Variants in PCDH11X observed in about 807,000 individuals in gnomAD.
PCDH11X encodes protocadherin-11 X-linked.
In PCDH11X, 18 loss-of-function variants were observed where a neutral mutation model predicts 53.3. That is an observed-to-expected ratio of 0.34 (90% confidence interval 0.23 to 0.50). The LOEUF is 0.50. Among genes scored for constraint, PCDH11X ranks in the 20% least tolerant of loss-of-function variants. The probability of loss-of-function intolerance (pLI) is 0.98; values close to 1 mark genes in which losing one functional copy is unlikely to be tolerated. For synonymous variants in PCDH11X, 279 were observed against 393.3 expected (o/e 0.71, Z 3.44); for missense variants, 570 against 1,032.4 (o/e 0.55, Z 6.14).
chrX:92,520,173 C>T (rs2074344765), intron 10 of PCDH11X, among the ~76,000 whole-genome samples: 1 of 109,476 alleles, frequency 9.1e-6, no homozygotes, highest in African/African-American at 3.3e-5. Flanking sequence ...ATTGTGGGCT[C>T]AGTTCCAGAC....
chrX:91,895,777 A>G (rs1421391948), intron 6 of PCDH11X, among the ~76,000 whole-genome samples: 4 of 107,545 alleles, frequency 3.7e-5, no homozygotes, highest in Admixed American at 1.0e-4. Context: ...ATTTATGTGT[A>G]TCATATATTC....
chrX:92,554,952 C>A (rs922993824), intron 10 of PCDH11X, among the ~76,000 whole-genome samples: 2 of 111,567 alleles, frequency 1.8e-5, no homozygotes, highest in African/African-American at 6.5e-5. Flanking sequence ...TCCAAAGCCT[C>A]TCAATTCTCA....
intron 6 of PCDH11X, among the ~76,000 whole-genome samples, chrX:92,080,516 G>C (rs2063840223): frequency 9.0e-6 from 1 of 111,236 alleles, no homozygotes; most frequent in Non-Finnish European, 1.9e-5. Context: ...GGTAAAAAAG[G>C]CTGGAAATGA....
chrX:92,042,511 A>G (rs1236989030), intron 6 of PCDH11X, among the ~76,000 whole-genome samples: 1 of 106,023 alleles, frequency 9.4e-6, no homozygotes, highest in Non-Finnish European at 1.9e-5. Flanking sequence ...GTGATTTTAG[A>G]GTAACATACA....
At chrX:92,247,624 A>G (rs756316745) in intron 7 of PCDH11X, among the ~76,000 whole-genome samples, 56 of 111,871 alleles carry the variant, frequency 5.0e-4, no homozygotes, top group African/African-American at 1.8e-3. Flanking sequence ...TTCTGGTTGC[A>G]CTGGCTGTCC....
At chrX:92,155,606 T>G (rs1603069822) in intron 6 of PCDH11X, among the ~76,000 whole-genome samples, 1 of 100,982 alleles carries the variant, frequency 9.9e-6, no homozygotes, top group East Asian at 3.1e-4. Flanking sequence ...TCACCTCAGT[T>G]ACTTCAATAG....
At chrX:91,824,520 C>T (rs1276747466) in intron 4 of PCDH11X, among the ~76,000 whole-genome samples, 14 of 110,496 alleles carry the variant, frequency 1.3e-4, no homozygotes, top group Non-Finnish European at 2.1e-4. Flanking sequence ...TGGTTTTCAG[C>T]TCCATCAGCT....
chrX:91,823,909 T>G (rs1202003961), intron 4 of PCDH11X, among the ~76,000 whole-genome samples: 6 of 110,163 alleles, frequency 5.4e-5, no homozygotes, highest in African/African-American at 2.0e-4. Flanking sequence ...GTCTGTAAAG[T>G]ATTTTATTTC....
intron 10 of PCDH11X, among the ~76,000 whole-genome samples, chrX:92,557,548 A>G (rs2075065244): frequency 1.8e-5 from 2 of 111,525 alleles, no homozygotes; most frequent in East Asian, 2.8e-4. Context: ...TGCATTGTCT[A>G]TATCACTATC....
At chrX:92,218,937 G>A (rs147098905) in intron 7 of PCDH11X, among the ~76,000 whole-genome samples, 16,335 of 110,069 alleles carry the variant, frequency 0.15, 1,241 homozygotes, top group Admixed American at 0.28. Flanking sequence ...CAGAACCAAA[G>A]ACAAAAACCA....
chrX:92,406,228 T>C (rs1202341362), intron 9 of PCDH11X, among the ~76,000 whole-genome samples: 1 of 110,561 alleles, frequency 9.0e-6, no homozygotes, highest in Non-Finnish European at 1.9e-5. Context: ...CAAGTGTTGA[T>C]GTCTTGTTTT....
At chrX:92,262,654 G>A (rs916830041) in intron 7 of PCDH11X, among the ~76,000 whole-genome samples, 1 of 110,997 alleles carries the variant, frequency 9.0e-6, no homozygotes, top group African/African-American at 3.3e-5. Flanking sequence ...CATCTCTTAT[G>A]TTTACCCCCA....
At chrX:92,418,725 A>G (rs1382555492) in intron 9 of PCDH11X, among the ~76,000 whole-genome samples, 5 of 109,728 alleles carry the variant, frequency 4.6e-5, no homozygotes, top group African/African-American at 1.7e-4. Context: ...TCGTGTAGCT[A>G]GGACTAAACA....
At chrX:91,823,863 AG>A (rs1936799741) in intron 4 of PCDH11X, among the ~76,000 whole-genome samples, 1 of 110,771 alleles carries the variant, frequency 9.0e-6, no homozygotes, top group South Asian at 3.8e-4. Context: ...CTTTTAGGGC[AG>A]GCCTGGTGGT....
chrX:92,412,057 GGGAAGA>G (rs2071684754), intron 9 of PCDH11X, among the ~76,000 whole-genome samples: 1 of 78,682 alleles, frequency 1.3e-5, no homozygotes, highest in Non-Finnish European at 2.3e-5. Context: ...GAGGAAGAGG[GGGAAGA>G]GGAAGAGGAG....
At chrX:92,448,400 T>A (rs2072703949) in intron 9 of PCDH11X, among the ~76,000 whole-genome samples, 1 of 77,817 alleles carries the variant, frequency 1.3e-5, no homozygotes, top group Non-Finnish European at 2.4e-5. Context: ...CACTGTTCTC[T>A]TGGTACTGAA....
chrX:92,558,153 C>A (rs996674853), intron 10 of PCDH11X, among the ~76,000 whole-genome samples: 1 of 109,840 alleles, frequency 9.1e-6, no homozygotes, highest in African/African-American at 3.3e-5. Flanking sequence ...GAGACACAGC[C>A]AAACCATATC....
chrX:92,185,659 T>A (rs1285656152), intron 6 of PCDH11X, among the ~76,000 whole-genome samples: 1 of 111,154 alleles, frequency 9.0e-6, no homozygotes, highest in East Asian at 2.8e-4. Context: ...AACAACTCAA[T>A]AGCAGAAAAC....
At chrX:92,558,386 T>C (rs1380367607) in intron 10 of PCDH11X, among the ~76,000 whole-genome samples, 1 of 111,794 alleles carries the variant, frequency 8.9e-6, no homozygotes, top group African/African-American at 3.3e-5. Context: ...AAGAGTTACA[T>C]TGTTACTAAT....
Sources: gnomAD v4.1 joint callset for allele counts (sites outside exome capture counted in the v4.1 genomes callset) on GRCh38, gnomAD v4.1.1 for gene constraint, MANE v1.5 for transcripts, NCBI Gene and HGNC (gene_info 2026-07-23, HGNC 2026-07-21) for gene names.